Variants in PPP2R2B observed in about 807,000 individuals in gnomAD.
The protein encoded by PPP2R2B is serine/threonine-protein phosphatase 2A 55 kDa regulatory subunit B beta isoform.
Under a neutral mutation model 46.0 loss-of-function variants are expected in PPP2R2B, and 5 were observed. The observed-to-expected ratio is 0.11, with a 90% confidence interval of 0.06 to 0.23. The LOEUF is 0.23. Ranked by LOEUF, PPP2R2B falls within the 10% of genes least tolerant of loss-of-function variation. The pLI is 1.00. For synonymous variants in PPP2R2B, 215 were observed against 206.7 expected (o/e 1.04, Z -0.34); for missense variants, 367 against 575.0 (o/e 0.64, Z 3.70).
upstream of PPP2R2B, among the ~76,000 whole-genome samples, chr5:146,880,182 TGTG>T (rs1561983640): frequency 5.6e-4 from 6 of 10,798 alleles, 1 homozygote; most frequent in Non-Finnish European, 1.2e-3. Context: ...AGTTATTTTG[TGTG>T]TGTGTGTGTG....
intron 2 of PPP2R2B, among the ~76,000 whole-genome samples, chr5:147,080,069 A>G (rs973917854): frequency 6.6e-6 from 1 of 152,126 alleles, no homozygotes; most frequent in East Asian, 1.9e-4. Flanking sequence ...GTCACCCACT[A>G]TTAGATTCTC....
upstream of PPP2R2B, among the ~76,000 whole-genome samples, chr5:147,057,611 C>A (rs1030702559): frequency 1.3e-5 from 2 of 152,154 alleles, no homozygotes; most frequent in Non-Finnish European, 2.9e-5. Flanking sequence ...CTCATGTATT[C>A]TTGAAAGAAG....
At chr5:146,871,495 T>G (rs1294664615) in intron 2 of PPP2R2B, among the ~76,000 whole-genome samples, 2 of 152,216 alleles carry the variant, frequency 1.3e-5, no homozygotes, top group Admixed American at 6.5e-5. Context: ...CCATAAACAT[T>G]TTTTTCTGTT....
rs138997651 is a variant in PPP2R2B at position 146,988,184 on chromosome 5, AC to A, written c.79+67480del. Among the ~76,000 whole-genome samples, 426 of 152,090 alleles carry A rather than the reference AC, an allele frequency of 2.8e-3. 8 individuals carry two copies. In the East Asian group the frequency reaches 0.036, roughly 13 times the overall value. On this transcript the variant is annotated intron_variant, in intron 1 of 8. Coordinates refer to the PPP2R2B transcript ENST00000336640. ...TACAATAATAGTAGGAGAGTTCAAC[AC>A]CCAACTTCAGCAATGAACAAATCAT...
intron 4 of PPP2R2B, among the ~76,000 whole-genome samples, chr5:146,696,777 C>A (rs1040525055): frequency 6.6e-6 from 1 of 152,112 alleles, no homozygotes; most frequent in African/African-American, 2.4e-5. Flanking sequence ...AAACCAGCTG[C>A]GTCCGAATTG....
intron 2 of PPP2R2B, among the ~76,000 whole-genome samples, chr5:146,875,279 T>C (rs1761831401): frequency 1.3e-5 from 2 of 152,010 alleles, no homozygotes; most frequent in Non-Finnish European, 2.9e-5. Flanking sequence ...AGATGTTAAC[T>C]TTAAAAGAGG....
chr5:146,595,752 C>T (rs1168357919), intron 8 of PPP2R2B, among the ~76,000 whole-genome samples: 1 of 152,232 alleles, frequency 6.6e-6, no homozygotes, highest in Admixed American at 6.5e-5. Flanking sequence ...GAGATGTATA[C>T]ATGAGCAACC....
At chr5:146,960,435 G>T (rs1265890621) in intron 1 of PPP2R2B, among the ~76,000 whole-genome samples, 2 of 152,172 alleles carry the variant, frequency 1.3e-5, no homozygotes, top group East Asian at 3.9e-4. Flanking sequence ...GGTTACAGGC[G>T]CAGGCCACCA....
intron 5 of PPP2R2B, among the ~76,000 whole-genome samples, chr5:146,680,470 C>T (rs1417054574): frequency 3.3e-5 from 5 of 151,416 alleles, no homozygotes; most frequent in African/African-American, 1.2e-4. Context: ...GGGTGCAGCG[C>T]ACCAGCATGG....
intron 1 of PPP2R2B, among the ~76,000 whole-genome samples, chr5:147,027,761 T>C (rs1276325083): frequency 1.3e-5 from 2 of 152,156 alleles, no homozygotes; most frequent in African/African-American, 4.8e-5. Context: ...TGGGAGTATA[T>C]ATGTGTTAAA....
intron 1 of PPP2R2B, chr5:147,081,176 G>C (rs918057125): frequency 3.9e-6 from 6 of 1,534,516 alleles, no homozygotes; most frequent in African/African-American, 1.4e-5. Flanking sequence ...TTAGGTAAGA[G>C]CTCCCAGTTG....
chr5:146,672,603 C>G (rs898706998), intron 5 of PPP2R2B, among the ~76,000 whole-genome samples: 5 of 152,148 alleles, frequency 3.3e-5, no homozygotes, highest in African/African-American at 9.7e-5. Flanking sequence ...ACACAGAAAA[C>G]TGCTTGCAGA....
intron 5 of PPP2R2B, among the ~76,000 whole-genome samples, chr5:146,678,400 A>C (rs1777894678): frequency 2.8e-5 from 4 of 141,738 alleles, no homozygotes; most frequent in Admixed American, 6.8e-5. Context: ...TTTCAAAATA[A>C]TAAGAGCTAT....
chr5:147,047,240 T>A (rs547915985), intron 1 of PPP2R2B, among the ~76,000 whole-genome samples: 1 of 152,088 alleles, frequency 6.6e-6, no homozygotes, highest in African/African-American at 2.4e-5. Context: ...TCTATACCAC[T>A]GTATGATGAC....
intron 1 of PPP2R2B, among the ~76,000 whole-genome samples, chr5:146,977,888 C>G (rs1309585297): frequency 6.6e-6 from 1 of 152,264 alleles, no homozygotes; most frequent in South Asian, 2.1e-4. Flanking sequence ...TGGGTATATA[C>G]CCAGGAATGG....
intron 2 of PPP2R2B, among the ~76,000 whole-genome samples, chr5:146,734,197 A>G (rs1752404463): frequency 6.6e-6 from 1 of 151,946 alleles, no homozygotes; most frequent in South Asian, 2.1e-4. Flanking sequence ...CTGGGACTAC[A>G]GATGCACACC....
At chr5:146,768,320 T>G (rs1046340567) in intron 2 of PPP2R2B, among the ~76,000 whole-genome samples, 5 of 152,170 alleles carry the variant, frequency 3.3e-5, no homozygotes, top group Admixed American at 2.0e-4. Flanking sequence ...ACAATCCATC[T>G]GCCCTGGACT....
chr5:146,991,877 T>A (rs910202335), intron 1 of PPP2R2B, among the ~76,000 whole-genome samples: 1 of 152,066 alleles, frequency 6.6e-6, no homozygotes, highest in Non-Finnish European at 1.5e-5. Context: ...GTAGAAGACA[T>A]AAATAAATGA....
chr5:146,711,705 A>T (rs1412941932), intron 2 of PPP2R2B, among the ~76,000 whole-genome samples: 1 of 152,196 alleles, frequency 6.6e-6, no homozygotes, highest in African/African-American at 2.4e-5. Context: ...TATTATGTGC[A>T]TGTCACTGGG....
Sources: gnomAD v4.1 joint callset for allele counts (sites outside exome capture counted in the v4.1 genomes callset) on GRCh38, gnomAD v4.1.1 for gene constraint, MANE v1.5 for transcripts, NCBI Gene and HGNC (gene_info 2026-07-23, HGNC 2026-07-21) for gene names.